The following GRIK1 variants were observed in gnomAD, a reference collection of about 807,000 sequenced individuals.
GRIK1 encodes the protein glutamate ionotropic receptor kainate type subunit 1, also known as glutamate receptor ionotropic, kainate 1.
A neutral mutation model predicts 105.7 loss-of-function variants in GRIK1; 69 were observed. The ratio of observed to expected loss-of-function variants is 0.65; its 90% CI spans 0.54 to 0.80. The LOEUF (loss-of-function observed/expected upper bound fraction) is 0.80. Among genes scored for constraint, GRIK1 ranks in the 30% least tolerant of loss-of-function variants. GRIK1 has a pLI of 0.00. For missense variants in GRIK1, 1,109 were observed against 1,167.3 expected (o/e 0.95, Z 0.73); for synonymous variants, 438 against 431.3 (o/e 1.02, Z -0.19).
intron 13 of GRIK1, among the ~76,000 whole-genome samples, chr21:29,579,865 G>A (rs1488826403): frequency 6.6e-6 from 1 of 151,674 alleles, no homozygotes; most frequent in Non-Finnish European, 1.5e-5. Flanking sequence ...AATTCCGGGG[G>A]TGGGTGCACT....
At chr21:29,896,465 G>C (rs769522027) in intron 1 of GRIK1, among the ~76,000 whole-genome samples, 1 of 152,112 alleles carries the variant, frequency 6.6e-6, no homozygotes, top group South Asian at 2.1e-4. Flanking sequence ...AATTTTGTCT[G>C]TCTTGTTCCC....
At chr21:29,576,186 A>G (rs1656294048) in intron 14 of GRIK1, among the ~76,000 whole-genome samples, 1 of 152,178 alleles carries the variant, frequency 6.6e-6, no homozygotes, top group Admixed American at 6.5e-5. Context: ...TATTGGATCT[A>G]TTAAAATCTA....
intron 1 of GRIK1, among the ~76,000 whole-genome samples, chr21:29,897,562 T>C (rs902959044): frequency 2.0e-5 from 3 of 152,186 alleles, no homozygotes; most frequent in Non-Finnish European, 4.4e-5. Context: ...GCTTTATTAT[T>C]AGAAAATTTT....
intron 1 of GRIK1, among the ~76,000 whole-genome samples, chr21:29,799,588 G>A (rs1192149689): frequency 6.6e-6 from 1 of 152,182 alleles, no homozygotes; most frequent in Non-Finnish European, 1.5e-5. Context: ...GGAGTGCAGT[G>A]GCACAATCTT....
In GRIK1 at chr21:29,905,665, C is replaced by T. The variant is rs367682368; in HGVS notation, c.118+33718G>A. On this transcript the variant is annotated intron_variant, in intron 1 of 17. Transcript: ENST00000327783. The stretch of plus-strand genomic sequence containing the variant: ...TTTTTGAGACGGAGTCTCGCTCTGT[C>T]GCCCAGGCTGGAGTGCAGTGGAGGG... Among the ~76,000 whole-genome samples, 84 of 121,150 alleles carry T rather than the reference C, an allele frequency of 6.9e-4. No homozygotes were observed. In the East Asian group the frequency reaches 0.018, roughly 26 times the overall value. The allele number at this position is 121,150 out of a possible 152,430, so 79.5% of individuals were successfully genotyped here. A position where few individuals can be genotyped will look rare whatever the true frequency, so the allele number is the denominator to read the frequency against.
At chr21:29,749,314 A>C (rs1488876142) in intron 1 of GRIK1, among the ~76,000 whole-genome samples, 1 of 152,226 alleles carries the variant, frequency 6.6e-6, no homozygotes, top group East Asian at 1.9e-4. Flanking sequence ...AGCTGATCAC[A>C]TAGGGACAGG....
intron 1 of GRIK1, among the ~76,000 whole-genome samples, chr21:29,703,772 C>T (rs2063855858): frequency 6.6e-6 from 1 of 152,208 alleles, no homozygotes; most frequent in Non-Finnish European, 1.5e-5. Context: ...ACAAGGACAG[C>T]TTCAACTGGA....
intron 1 of GRIK1, among the ~76,000 whole-genome samples, chr21:29,829,300 T>C (rs2067561885): frequency 6.6e-6 from 1 of 152,226 alleles, no homozygotes; most frequent in Non-Finnish European, 1.5e-5. Flanking sequence ...ATTCTTCATG[T>C]ATTACACTCT....
intron 1 of GRIK1, among the ~76,000 whole-genome samples, chr21:29,809,741 A>T (rs2066960772): frequency 6.6e-6 from 1 of 152,176 alleles, no homozygotes; most frequent in Non-Finnish European, 1.5e-5. Flanking sequence ...TGTCTTCCTC[A>T]CTAAGCTTAA....
intron 1 of GRIK1, among the ~76,000 whole-genome samples, chr21:29,929,688 T>G (rs1363232774): frequency 6.6e-6 from 1 of 152,176 alleles, no homozygotes; most frequent in Non-Finnish European, 1.5e-5. Context: ...GAGGATGTGG[T>G]GAAAAGGCAA....
intron 1 of GRIK1, among the ~76,000 whole-genome samples, chr21:29,751,774 G>T (rs1236888642): frequency 6.6e-6 from 1 of 152,162 alleles, no homozygotes; most frequent in Admixed American, 6.5e-5. Context: ...TACATAGGTT[G>T]CAAGTAATCT....
intron 6 of GRIK1, among the ~76,000 whole-genome samples, chr21:29,649,412 G>C (rs764239483): frequency 1.7e-4 from 26 of 152,094 alleles, no homozygotes; most frequent in Non-Finnish European, 3.4e-4. Flanking sequence ...AATAATAACT[G>C]TAAGAACACA....
At chr21:29,756,415 G>T (rs1159977764) in intron 1 of GRIK1, among the ~76,000 whole-genome samples, 2 of 152,068 alleles carry the variant, frequency 1.3e-5, no homozygotes, top group East Asian at 1.9e-4. Context: ...ATAATGCTGC[G>T]CCCAGCACGG....
At chr21:29,569,198 C>G (rs182358067) in intron 14 of GRIK1, among the ~76,000 whole-genome samples, 1 of 152,186 alleles carries the variant, frequency 6.6e-6, no homozygotes, top group East Asian at 1.9e-4. Flanking sequence ...ATTTATAAAT[C>G]TAGAGAGACT....
At chr21:29,937,319 G>C (rs2071795014) in intron 1 of GRIK1, among the ~76,000 whole-genome samples, 1 of 152,150 alleles carries the variant, frequency 6.6e-6, no homozygotes, top group South Asian at 2.1e-4. Context: ...GGACACTCCA[G>C]GCCAGAAGGA....
At chr21:29,867,355 G>C (rs1010557101) in intron 1 of GRIK1, among the ~76,000 whole-genome samples, 1 of 152,084 alleles carries the variant, frequency 6.6e-6, no homozygotes, top group East Asian at 1.9e-4. Context: ...GAAAAATAAA[G>C]AAAGGAGAAG....
intron 1 of GRIK1, among the ~76,000 whole-genome samples, chr21:29,905,719 C>T (rs1384421800): frequency 1.4e-5 from 2 of 138,408 alleles, no homozygotes; most frequent in Non-Finnish European, 3.1e-5. Flanking sequence ...CTCCGCCTCC[C>T]AGGTTCACGC....
intron 1 of GRIK1, among the ~76,000 whole-genome samples, chr21:29,706,803 T>C (rs990144497): frequency 6.6e-6 from 1 of 152,234 alleles, no homozygotes; most frequent in Non-Finnish European, 1.5e-5. Flanking sequence ...AAAGTCCACT[T>C]GACTGCTCAA....
intron 15 of GRIK1, among the ~76,000 whole-genome samples, chr21:29,557,936 T>C (rs2090297079): frequency 6.6e-6 from 1 of 152,220 alleles, no homozygotes; most frequent in Non-Finnish European, 1.5e-5. Context: ...AAATGTTGAC[T>C]GATGCTTTCC....
Sources: gnomAD v4.1 joint callset for allele counts (sites outside exome capture counted in the v4.1 genomes callset) on GRCh38, gnomAD v4.1.1 for gene constraint, MANE v1.5 for transcripts, NCBI Gene and HGNC (gene_info 2026-07-23, HGNC 2026-07-21) for gene names.